CCDC85A: variants seen among roughly 807,000 people sequenced by gnomAD.
CCDC85A encodes the protein coiled-coil domain containing 85A.
A neutral mutation model predicts 50.2 loss-of-function variants in CCDC85A; 38 were observed. That is an observed-to-expected ratio of 0.76 (90% CI 0.58 to 0.99). The LOEUF is 0.99. Among genes scored for constraint, CCDC85A ranks in the 50% least tolerant of loss-of-function variants. The pLI, the probability that CCDC85A is intolerant of heterozygous loss-of-function variation, is 0.00. For missense variants in CCDC85A, 820 were observed against 742.0 expected, an observed-to-expected ratio of 1.11 and a Z score of -1.22; for synonymous variants, 366 against 301.4, an observed-to-expected ratio of 1.21 and a Z score of -2.22.
At chr2:56,289,840 C>T (rs970261783) in intron 2 of CCDC85A, among the ~76,000 whole-genome samples, 1 of 151,660 alleles carries the variant, frequency 6.6e-6, no homozygotes, top group African/African-American at 2.4e-5. Flanking sequence ...ACATTCTGGT[C>T]TTATAAGAAC....
At chr2:56,240,516 T>A (rs1051039680) in intron 2 of CCDC85A, among the ~76,000 whole-genome samples, 4 of 152,218 alleles carry the variant, frequency 2.6e-5, no homozygotes, top group Non-Finnish European at 5.9e-5. Flanking sequence ...GTGTGTTTTG[T>A]CCAATTCTTT....
At chr2:56,266,264 T>C (rs1670434860) in intron 2 of CCDC85A, among the ~76,000 whole-genome samples, 1 of 152,142 alleles carries the variant, frequency 6.6e-6, no homozygotes, top group Non-Finnish European at 1.5e-5. Context: ...AATAATGTAT[T>C]GTGTATTTCA....
At chr2:56,196,148 G>A (rs1676511796) in intron 2 of CCDC85A, among the ~76,000 whole-genome samples, 1 of 152,102 alleles carries the variant, frequency 6.6e-6, no homozygotes, top group Non-Finnish European at 1.5e-5. Flanking sequence ...AACATCTTAA[G>A]TCTCTATAAT....
At chr2:56,354,208 T>G (rs937196007) in intron 3 of CCDC85A, among the ~76,000 whole-genome samples, 3 of 152,240 alleles carry the variant, frequency 2.0e-5, no homozygotes, top group Non-Finnish European at 2.9e-5. Context: ...AAGTGTAATT[T>G]ATACCCAACA....
At chr2:56,369,694 C>T (rs536430562) in intron 3 of CCDC85A, among the ~76,000 whole-genome samples, 4 of 152,142 alleles carry the variant, frequency 2.6e-5, no homozygotes, top group Admixed American at 6.6e-5. Flanking sequence ...TCAAGAGGAA[C>T]CTTTATGTGT....
chr2:56,239,263 T>C (rs911494559), intron 2 of CCDC85A, among the ~76,000 whole-genome samples: 31 of 152,052 alleles, frequency 2.0e-4, no homozygotes, highest in African/African-American at 7.5e-4. Context: ...ATGCTCAAGG[T>C]ACATGTCATA....
chr2:56,195,017 A>G (rs1245183851), intron 2 of CCDC85A, among the ~76,000 whole-genome samples: 1 of 152,232 alleles, frequency 6.6e-6, no homozygotes, highest in Middle Eastern at 3.2e-3. Flanking sequence ...AGTAATGGGA[A>G]GGTAAAGTTA....
At chr2:56,377,023 A>G (rs576139384) in intron 5 of CCDC85A, among the ~76,000 whole-genome samples, 2 of 152,370 alleles carry the variant, frequency 1.3e-5, no homozygotes, top group South Asian at 4.1e-4. Flanking sequence ...AAGTTTTAGC[A>G]GAAGATTTTG....
chr2:56,368,919 T>G (rs763911172), intron 3 of CCDC85A, among the ~76,000 whole-genome samples: 28 of 152,174 alleles, frequency 1.8e-4, no homozygotes, highest in Admixed American at 3.9e-4. Flanking sequence ...AAAACTTTTT[T>G]TAGGAAGAAT....
At chr2:56,350,820 A>AT (rs1019973873) in intron 3 of CCDC85A, among the ~76,000 whole-genome samples, 1 of 141,474 alleles carries the variant, frequency 7.1e-6, no homozygotes, top group Non-Finnish European at 1.5e-5. Flanking sequence ...ATTGATAGAT[A>AT]TTTTTTTTCA....
chr2:56,228,596 G>T (rs903364620), intron 2 of CCDC85A, among the ~76,000 whole-genome samples: 1 of 151,556 alleles, frequency 6.6e-6, no homozygotes, highest in East Asian at 1.9e-4. Flanking sequence ...GCAGTGGCAC[G>T]ATCTTGGCTC....
At chr2:56,349,918 G>A (rs932358270) in intron 3 of CCDC85A, among the ~76,000 whole-genome samples, 1 of 151,574 alleles carries the variant, frequency 6.6e-6, no homozygotes, top group African/African-American at 2.4e-5. Flanking sequence ...AAAAAATTAT[G>A]GGACCCTATC....
chr2:56,252,685 C>A (rs1162133877), intron 2 of CCDC85A, among the ~76,000 whole-genome samples: 1 of 152,146 alleles, frequency 6.6e-6, no homozygotes, highest in Non-Finnish European at 1.5e-5. Context: ...AATGTTATCC[C>A]TCCTCGGGCC....
At chr2:56,374,987 A>G (rs1676263290) in intron 4 of CCDC85A, among the ~76,000 whole-genome samples, 1 of 152,210 alleles carries the variant, frequency 6.6e-6, no homozygotes, top group South Asian at 2.1e-4. Context: ...AGGTTCTCTA[A>G]TAGTGTAATG....
intron 2 of CCDC85A, among the ~76,000 whole-genome samples, chr2:56,289,375 C>G (rs1291289136): frequency 6.6e-6 from 1 of 152,110 alleles, no homozygotes; most frequent in Non-Finnish European, 1.5e-5. Flanking sequence ...ACTGTATGAA[C>G]ACTAGGGGAT....
intron 2 of CCDC85A, among the ~76,000 whole-genome samples, chr2:56,203,611 A>G (rs1399038932): frequency 1.3e-5 from 2 of 152,102 alleles, no homozygotes; most frequent in Non-Finnish European, 2.9e-5. Flanking sequence ...TGAAAAAGGG[A>G]GCTAAGCTGG....
At chr2:56,360,037 A>C (rs1675443700) in intron 3 of CCDC85A, among the ~76,000 whole-genome samples, 1 of 152,218 alleles carries the variant, frequency 6.6e-6, no homozygotes, top group South Asian at 2.1e-4. Context: ...ACCAGGACTG[A>C]TTGACATCAG....
chr2:56,193,508 G>A, intron 2 of CCDC85A, 68 bp downstream of exon 2: 4 of 1,473,460 alleles, frequency 2.7e-6, no homozygotes, highest in African/African-American at 1.4e-5. Flanking sequence ...AATGATGATG[G>A]ACTTTCCAGC....
At chr2:56,209,974 A>G (rs558220381) in intron 2 of CCDC85A, among the ~76,000 whole-genome samples, 4 of 152,050 alleles carry the variant, frequency 2.6e-5, no homozygotes, top group African/African-American at 4.8e-5. Context: ...CTTAAAACCC[A>G]TTAGAGATAC....
Sources: allele counts gnomAD v4.1 joint callset (sites outside exome capture counted in the v4.1 genomes callset), GRCh38; gene constraint gnomAD v4.1.1; transcripts MANE v1.5; gene names NCBI Gene and HGNC (gene_info 2026-07-23, HGNC 2026-07-21).